The following MARCHF5 variants were observed in gnomAD, a reference collection of about 807,000 sequenced individuals.
The protein encoded by MARCHF5 is membrane associated ring-CH-type finger 5.
Under a neutral mutation model 36.5 loss-of-function variants are expected in MARCHF5, and 5 were observed. The ratio of observed to expected loss-of-function variants is 0.14; its 90% CI spans 0.07 to 0.29. MARCHF5 has a LOEUF of 0.29. MARCHF5 is among the 10% of genes least tolerant of loss of function. The pLI is 1.00. For missense variants in MARCHF5, 179 were observed against 336.3 expected (o/e 0.53, Z 3.66); for synonymous variants, 103 against 109.9 (o/e 0.94, Z 0.39).
At chr10:92,291,588 G>C in intron 1 of MARCHF5, 59 bp downstream of exon 1, 1 of 1,474,074 alleles carries the variant, frequency 6.8e-7, no homozygotes, top group South Asian at 1.3e-5. Context: ...CCCTGCCCGC[G>C]CCCGCCCTCG....
intron 1 of MARCHF5, among the ~76,000 whole-genome samples, chr10:92,293,477 G>A (rs1041013883): frequency 1.4e-4 from 22 of 151,854 alleles, no homozygotes; most frequent in African/African-American, 5.3e-4. Context: ...AAAGTAAGAA[G>A]CCAAAGAGTG....
chr10:92,310,679 T>G (rs1227355612), intron 1 of MARCHF5, among the ~76,000 whole-genome samples: 3 of 152,162 alleles, frequency 2.0e-5, no homozygotes, highest in Non-Finnish European at 2.9e-5. Context: ...AAAAATGGAA[T>G]GAGACTGTAT....
At chr10:92,347,507 TA>T (rs61349948) in intron 3 of MARCHF5, among the ~76,000 whole-genome samples, 27,711 of 112,018 alleles carry the variant, frequency 0.25, 3,160 homozygotes, top group Middle Eastern at 0.29. Flanking sequence ...GATAGATAGA[TA>T]GATAGATAGA....
chr10:92,308,196 C>T (rs1334358891), intron 1 of MARCHF5, among the ~76,000 whole-genome samples: 1 of 152,114 alleles, frequency 6.6e-6, no homozygotes, highest in East Asian at 1.9e-4. Context: ...CCTCCTCAGC[C>T]TCCCAAAGTG....
chr10:92,337,151 T>G (rs1019102837), intron 2 of MARCHF5, among the ~76,000 whole-genome samples: 1 of 150,252 alleles, frequency 6.7e-6, no homozygotes, highest in Non-Finnish European at 1.5e-5. Flanking sequence ...AAACTGAGAT[T>G]AGATTTGGCT....
chr10:92,323,715 T>C (rs1041354513), intron 2 of MARCHF5, among the ~76,000 whole-genome samples: 6 of 152,236 alleles, frequency 3.9e-5, no homozygotes, highest in African/African-American at 1.4e-4. Flanking sequence ...TAATTTCCTC[T>C]GTGTCTTTTT....
Position 92,351,372 on chromosome 10 carries a change from C to G in MARCHF5, c.*165C>G. 2.0e-6 allele frequency: 1 copy of G among 496,396 alleles called. No homozygotes were observed. Among genetic ancestry groups the G allele is most frequent in the East Asian group, 3.3e-5 (1 of 29,892 alleles). 30.7% of individuals were successfully genotyped at this position (496,396 alleles called of 1,614,324 possible). On this transcript the variant is annotated 3_prime_UTR_variant, in exon 6 of 6. Transcript: ENST00000358935. Reference sequence around the variant, plus strand: ...GGGCAGGGGAAATCATCTCGGTAATCATGGAACCTAAGGATGTGATTTGTT... The same window carrying G: ...GGGCAGGGGAAATCATCTCGGTAATGATGGAACCTAAGGATGTGATTTGTT...
intron 2 of MARCHF5, among the ~76,000 whole-genome samples, chr10:92,324,519 G>C (rs1166482222): frequency 6.6e-6 from 1 of 151,984 alleles, no homozygotes; most frequent in Admixed American, 6.6e-5. Context: ...CTGCTACCAC[G>C]CCCGGCTAAT....
intron 3 of MARCHF5, among the ~76,000 whole-genome samples, chr10:92,343,357 T>C (rs1843603042): frequency 1.3e-5 from 2 of 152,214 alleles, no homozygotes; most frequent in Non-Finnish European, 2.9e-5. Flanking sequence ...CATGACATTT[T>C]TATTCCTCAA....
chr10:92,330,801 C>T (rs1843427372), intron 2 of MARCHF5, among the ~76,000 whole-genome samples: 1 of 152,192 alleles, frequency 6.6e-6, no homozygotes, highest in African/African-American at 2.4e-5. Context: ...CTCTGATATA[C>T]ATAACACCTT....
rs1479079122 is a variant in MARCHF5 at position 92,332,002 on chromosome 10, T to G, written c.239-8671T>G. On this transcript the variant is annotated intron_variant, in intron 2 of 5. Transcript: ENST00000358935. ...GTATATATATAATCACTCATCTGCT[T>G]TGACCTGAAGTCTTTTATTCTTCAG... 2.0e-5 allele frequency among the ~76,000 whole-genome samples: 3 copies of G among 148,032 alleles called. No homozygotes were observed. The East Asian group carries it at 5.8e-4, about 29-fold the overall frequency.
chr10:92,319,820 A>C (rs1245854988), intron 2 of MARCHF5, among the ~76,000 whole-genome samples: 1 of 150,262 alleles, frequency 6.7e-6, no homozygotes, highest in African/African-American at 2.5e-5. Flanking sequence ...GTGCCCAGCT[A>C]ATTTTTGTAT....
intron 3 of MARCHF5, among the ~76,000 whole-genome samples, chr10:92,348,635 C>T: frequency 6.6e-6 from 1 of 152,114 alleles, no homozygotes; most frequent in South Asian, 2.1e-4. Flanking sequence ...AGAAATAGCC[C>T]CAAGACTAGG....
chr10:92,342,196 G>C (rs919339615), intron 3 of MARCHF5, among the ~76,000 whole-genome samples: 1 of 149,132 alleles, frequency 6.7e-6, no homozygotes, highest in Non-Finnish European at 1.5e-5. Flanking sequence ...TGTCACCAAG[G>C]CTGGAGTACA....
intron 2 of MARCHF5, among the ~76,000 whole-genome samples, chr10:92,329,304 A>G (rs1011699303): frequency 6.6e-6 from 1 of 152,196 alleles, no homozygotes; most frequent in Admixed American, 6.5e-5. Flanking sequence ...CCAGTCTGTT[A>G]AGAAAAGATA....
At chr10:92,351,015 T>G (rs1843708420) in intron 5 of MARCHF5, 76 bp from the exon 6 acceptor site, 1 of 786,180 alleles carries the variant, frequency 1.3e-6, no homozygotes, top group Non-Finnish European at 2.1e-6. Context: ...TCTTTTGTGA[T>G]CTAAATAAAA....
intron 2 of MARCHF5, among the ~76,000 whole-genome samples, chr10:92,326,843 T>C (rs1372075620): frequency 1.3e-5 from 2 of 152,026 alleles, no homozygotes; most frequent in Admixed American, 6.6e-5. Flanking sequence ...AGGTAATGCA[T>C]TGACACAGTC....
chr10:92,337,851 T>C (rs2771259), intron 2 of MARCHF5, among the ~76,000 whole-genome samples: 2,084 of 151,452 alleles, frequency 0.014, 17 homozygotes, highest in Non-Finnish European at 0.023. Flanking sequence ...CGTCGATAAA[T>C]GTTCTCTTAT....
chr10:92,347,520 AGAT>A (rs578001571), intron 3 of MARCHF5, among the ~76,000 whole-genome samples: 57,510 of 111,756 alleles, frequency 0.51, 13,308 homozygotes, highest in Middle Eastern at 0.57. Context: ...ATAGATAGAT[AGAT>A]GATAGATATA....
Sources: gnomAD v4.1 joint callset for allele counts (sites outside exome capture counted in the v4.1 genomes callset) on GRCh38, gnomAD v4.1.1 for gene constraint, MANE v1.5 for transcripts, NCBI Gene and HGNC (gene_info 2026-07-23, HGNC 2026-07-21) for gene names.